Variants in CENPC observed in about 807,000 individuals in gnomAD.
The protein encoded by CENPC is centromere protein C, also known as CENP-C 1.
A neutral mutation model predicts 112.1 loss-of-function variants in CENPC; 63 were observed. The observed-to-expected ratio is 0.56, with a 90% CI of 0.46 to 0.69. CENPC has a LOEUF of 0.69. Among genes scored for constraint, CENPC ranks in the 30% least tolerant of loss-of-function variants. The pLI is 0.00. For missense variants in CENPC, 1,000 were observed against 1,103.8 expected, an observed-to-expected ratio of 0.91 and a Z score of 1.33; for synonymous variants, 333 against 367.6, an observed-to-expected ratio of 0.91 and a Z score of 1.08.
chr4:67,518,484 A>G (rs780754807), intron 6 of CENPC, 116 bp from the exon 7 acceptor site: 2 of 1,102,248 alleles, frequency 1.8e-6, no homozygotes, highest in Non-Finnish European at 2.3e-6. Flanking sequence ...TGTACTAGGC[A>G]TTTATTTAAG....
chr4:67,504,830 A>T lies in CENPC; in HGVS notation c.2131+375T>A, dbSNP rs111241996. Among the ~76,000 whole-genome samples the T allele has an allele frequency of 9.8e-3, 1,499 of 152,284 alleles. 27 individuals carry two copies. Among genetic ancestry groups the T allele is most frequent in the African/African-American group, 0.035 (1,437 of 41,554 alleles). ...GAGCGAGACTCCGTCTCAAACAAAA[A>T]AAAAAAGGAAATTTTCAAGTATTGA... On this transcript the variant is annotated intron_variant, in intron 12 of 18. Transcript: ENST00000273853.
intron 9 of CENPC, 142 bp from the exon 10 acceptor site, chr4:67,509,247 CACACACACAT>C (rs1056505689): frequency 5.9e-5 from 21 of 358,944 alleles, no homozygotes; most frequent in Non-Finnish European, 8.8e-5. Context: ...CACACACACA[CACACACACAT>C]CTCAGGCTAA....
rs571843950 is a variant in CENPC, at chr4:67,482,664, T to C, written c.2670+7303A>G. Among the ~76,000 whole-genome samples the C allele has an allele frequency of 3.3e-5, 5 of 152,250 alleles. No homozygotes were observed. The East Asian group carries it at 9.7e-4, about 29-fold the overall frequency. The stretch of plus-strand genomic sequence containing the variant: ...CCCAGGAATGGAAAACCAAACATTG[T>C]ATGTTCTCACTTATAAGTGGGAGCT... On this transcript the variant is annotated intron_variant, in intron 17 of 18. Transcript: ENST00000273853.
chr4:67,490,856 AT>A lies in CENPC; in HGVS notation c.2516-736del, dbSNP rs1560422710. 2.3e-3 allele frequency among the ~76,000 whole-genome samples: 45 copies of A among 19,926 alleles called. No individual in the cohort carries two copies. In the South Asian group the frequency reaches 0.037, roughly 17 times the overall value. The allele number at this position is 19,926 out of a possible 152,430, so 13.1% of individuals were successfully genotyped here. ...GAAATAAATATATATATATATATAT[AT>A]ATATATATATATATATATATAGAAA... On this transcript the variant is annotated intron_variant, in intron 16 of 18. Coordinates refer to ENST00000273853, the MANE Select transcript of CENPC (RefSeq NM_001812.4).
Position 67,490,125 on chromosome 4 carries a change from G to A in CENPC, c.2516-4C>T. 1 of 1,584,668 alleles carries A rather than the reference G, an allele frequency of 6.3e-7. No homozygotes were observed. Among genetic ancestry groups the A allele is most frequent in the Middle Eastern group, 1.7e-4 (1 of 5,928 alleles). ...GTATCTTGTGGCCTTACAAGATCTA[G>A]GAGTAAAACAGTAATACAAATATAA... On this transcript the variant is annotated splice_polypyrimidine_tract_variant and splice_region_variant and intron_variant, in intron 16 of 18. Transcript: ENST00000273853.
chr4:67,515,106 A>C (rs1349772387), intron 7 of CENPC, among the ~76,000 whole-genome samples: 1 of 152,048 alleles, frequency 6.6e-6, no homozygotes, highest in African/African-American at 2.4e-5. Context: ...ATTCAAAATA[A>C]GTCAACAAGA....
chr4:67,503,471 C>T (rs1012965262), intron 12 of CENPC, among the ~76,000 whole-genome samples: 4 of 152,122 alleles, frequency 2.6e-5, no homozygotes, highest in Non-Finnish European at 5.9e-5. Flanking sequence ...CAACACCCAA[C>T]AAATCATAAA....
At chr4:67,540,938 A>C (rs1726868654) in intron 3 of CENPC, 42 bp downstream of exon 3, 1 of 1,286,084 alleles carries the variant, frequency 7.8e-7, no homozygotes, top group South Asian at 1.3e-5. Context: ...TCATATTTTC[A>C]TCCATCTAAC....
chr4:67,539,276 T>G (rs1726814742), intron 4 of CENPC, among the ~76,000 whole-genome samples: 1 of 152,226 alleles, frequency 6.6e-6, no homozygotes, highest in African/African-American at 2.4e-5. Flanking sequence ...TTTAATATGT[T>G]GATTGCCTTT....
chr4:67,474,556 G>C (rs1433991193), intron 18 of CENPC: 1 of 258,822 alleles, frequency 3.9e-6, no homozygotes, highest in Non-Finnish European at 7.4e-6. Context: ...AAAGTAGCCG[G>C]ATGTGGTGGT....
chr4:67,520,703 A>G (rs1726200962), intron 5 of CENPC, among the ~76,000 whole-genome samples: 1 of 152,138 alleles, frequency 6.6e-6, no homozygotes, highest in Non-Finnish European at 1.5e-5. Flanking sequence ...ATCATTGAAA[A>G]TAAAACTCAT....
rs781351489 is a variant in CENPC, at chr4:67,489,935, G to A, written c.2670+32C>T. The stretch of plus-strand genomic sequence containing the variant: ...CCAATAAATCAGAGTTCTACCAAGA[G>A]TGAAACATAAATATATAAAAAAAGT... On this transcript the variant is annotated intron_variant, in intron 17 of 18. Coordinates refer to ENST00000273853, the MANE Select transcript of CENPC (RefSeq NM_001812.4). 2.0e-6 allele frequency: 3 copies of A among 1,466,994 alleles called. No homozygotes were observed. In the African/African-American group the frequency reaches 4.3e-5, roughly 21 times the overall value. The allele number at this position is 1,466,994 out of a possible 1,614,324, so 90.9% of individuals were successfully genotyped here. A position where few individuals can be genotyped will look rare whatever the true frequency, so the allele number is the denominator to read the frequency against.
chr4:67,545,261 C>T (rs1474371448), intron 1 of CENPC, 77 bp downstream of exon 1: 10 of 1,377,642 alleles, frequency 7.3e-6, no homozygotes, highest in Middle Eastern at 3.8e-4. Flanking sequence ...CCTAGCATTT[C>T]CTTCTCCCCA....
chr4:67,488,937 T>C (rs1163780623), intron 17 of CENPC, among the ~76,000 whole-genome samples: 2 of 151,758 alleles, frequency 1.3e-5, no homozygotes, highest in Non-Finnish European at 1.5e-5. Context: ...AACTCAAGAG[T>C]CTTCACAATT....
chr4:67,483,087 T>G (rs1724997528), intron 17 of CENPC, among the ~76,000 whole-genome samples: 1 of 152,158 alleles, frequency 6.6e-6, no homozygotes, highest in Admixed American at 6.5e-5. Context: ...AAAAAGGACA[T>G]GTTTGCTTCC....
chr4:67,544,511 A>G (rs1489597351), intron 1 of CENPC, among the ~76,000 whole-genome samples: 1 of 152,234 alleles, frequency 6.6e-6, no homozygotes, highest in East Asian at 1.9e-4. Flanking sequence ...ATTCTTTCAT[A>G]CAACTCTTTA....
At chr4:67,474,835 A>G (rs755880295) in intron 18 of CENPC, 53 bp downstream of exon 18, 47 of 1,036,864 alleles carry the variant, frequency 4.5e-5, no homozygotes, top group Non-Finnish European at 6.4e-5. Context: ...CCATTTCCAT[A>G]GTGCCCAAAA....
intron 4 of CENPC, among the ~76,000 whole-genome samples, chr4:67,535,490 T>C (rs751805484): frequency 3.3e-5 from 5 of 151,644 alleles, no homozygotes; most frequent in Non-Finnish European, 5.9e-5. Context: ...AATTAATGTG[T>C]CTATGCATAC....
At chr4:67,497,854 T>G (rs1167731569) in intron 12 of CENPC, among the ~76,000 whole-genome samples, 1 of 151,564 alleles carries the variant, frequency 6.6e-6, no homozygotes, top group South Asian at 2.1e-4. Context: ...TACTATACTA[T>G]AGTCTATTAA....
Sources: gnomAD v4.1 joint callset for allele counts (sites outside exome capture counted in the v4.1 genomes callset) on GRCh38, gnomAD v4.1.1 for gene constraint, MANE v1.5 for transcripts, NCBI Gene and HGNC (gene_info 2026-07-23, HGNC 2026-07-21) for gene names.